Variants in CTNNA2 observed in about 807,000 individuals in gnomAD.
CTNNA2 encodes catenin alpha-2.
In CTNNA2, 42 loss-of-function variants were observed where a neutral mutation model predicts 101.0. The observed-to-expected ratio is 0.42, with a 90% confidence interval of 0.32 to 0.54. The LOEUF (loss-of-function observed/expected upper bound fraction) is 0.54, where lower values mean the gene tolerates loss of function less well. Among genes scored for constraint, CTNNA2 ranks in the 20% least tolerant of loss-of-function variants. The pLI is 0.14. For synonymous variants in CTNNA2, 450 were observed against 456.4 expected (o/e 0.99, Z 0.18); for missense variants, 871 against 1,223.1 (o/e 0.71, Z 4.29).
intron 7 of CTNNA2, among the ~76,000 whole-genome samples, chr2:80,029,732 G>A (rs1442603351): frequency 6.6e-6 from 1 of 150,964 alleles, no homozygotes; most frequent in Non-Finnish European, 1.5e-5. Flanking sequence ...GCATTATGTG[G>A]TAGAGGAGGT....
At chr2:79,883,679 A>C (rs1683619671) in intron 6 of CTNNA2, among the ~76,000 whole-genome samples, 1 of 152,198 alleles carries the variant, frequency 6.6e-6, no homozygotes, top group African/African-American at 2.4e-5. Context: ...GAATGTTAAA[A>C]GCAATTCCTA....
intron 7 of CTNNA2, among the ~76,000 whole-genome samples, chr2:79,969,197 A>G (rs957401922): frequency 6.6e-6 from 1 of 152,242 alleles, no homozygotes; most frequent in African/African-American, 2.4e-5. Flanking sequence ...AACAAGAACA[A>G]CAACAACAAA....
intron 7 of CTNNA2, among the ~76,000 whole-genome samples, chr2:79,977,254 A>ACACACG (rs1282540372): frequency 6.6e-6 from 1 of 151,732 alleles, no homozygotes; most frequent in Non-Finnish European, 1.5e-5. Flanking sequence ...ACACACACAC[A>ACACACG]CACTGGTTCT....
chr2:80,256,071 A>G (rs1672114671), intron 7 of CTNNA2, among the ~76,000 whole-genome samples: 4 of 152,140 alleles, frequency 2.6e-5, no homozygotes, highest in Admixed American at 2.0e-4. Flanking sequence ...TTCTAATCAC[A>G]GACAGCCAGC....
intron 2 of CTNNA2, among the ~76,000 whole-genome samples, chr2:79,281,995 G>A (rs901095012): frequency 6.6e-6 from 1 of 152,028 alleles, no homozygotes; most frequent in Admixed American, 6.6e-5. Flanking sequence ...ATAGTCCCCT[G>A]TCAATAAAAG....
At chr2:79,577,644 T>G (rs1480765991) in intron 1 of CTNNA2, among the ~76,000 whole-genome samples, 1 of 152,146 alleles carries the variant, frequency 6.6e-6, no homozygotes. Context: ...TGTTAATTAC[T>G]TTGGTGCTTT....
chr2:79,399,965 T>C (rs750712568), intron 4 of CTNNA2, among the ~76,000 whole-genome samples: 2 of 152,056 alleles, frequency 1.3e-5, no homozygotes, highest in African/African-American at 2.4e-5. Context: ...CCCCATGACA[T>C]AGCCTCAGGA....
chr2:79,558,553 A>G (rs1674582230), intron 1 of CTNNA2, among the ~76,000 whole-genome samples: 1 of 151,914 alleles, frequency 6.6e-6, no homozygotes, highest in South Asian at 2.1e-4. Flanking sequence ...TATTTATTGT[A>G]TGTGGTAGAA....
intron 7 of CTNNA2, among the ~76,000 whole-genome samples, chr2:80,172,882 A>G (rs1241733162): frequency 6.6e-6 from 1 of 152,164 alleles, no homozygotes; most frequent in African/African-American, 2.4e-5. Context: ...AACACTGGCC[A>G]TATTGGATTA....
chr2:80,015,037 A>G (rs1694047173), intron 7 of CTNNA2, among the ~76,000 whole-genome samples: 2 of 152,196 alleles, frequency 1.3e-5, no homozygotes, highest in South Asian at 2.1e-4. Context: ...AGTTATTTCA[A>G]TCAGTGATTC....
intron 4 of CTNNA2, among the ~76,000 whole-genome samples, chr2:79,455,467 C>A (rs1670810294): frequency 6.6e-6 from 1 of 152,102 alleles, no homozygotes; most frequent in Non-Finnish European, 1.5e-5. Flanking sequence ...ACCCTCTCTC[C>A]ACAGACTTCA....
At chr2:79,962,799 C>T (rs894864626) in intron 7 of CTNNA2, among the ~76,000 whole-genome samples, 21 of 152,196 alleles carry the variant, frequency 1.4e-4, no homozygotes, top group Middle Eastern at 6.8e-3. Context: ...TGGCCGGGCG[C>T]GGTGGCTCAC....
At chr2:79,677,772 TTAAAGAA>T (rs1683283277) in intron 2 of CTNNA2, among the ~76,000 whole-genome samples, 1 of 152,166 alleles carries the variant, frequency 6.6e-6, no homozygotes, top group East Asian at 1.9e-4. Context: ...AAAGGAAATG[TTAAAGAA>T]TAAAGTAAGA....
chr2:80,303,591 G>A lies in CTNNA2; in HGVS notation c.1057-89620G>A, dbSNP rs755635665. On this transcript the variant is annotated intron_variant, in intron 7 of 18. Transcript: ENST00000402739. The surrounding 1 kb of genome is among the most constrained non-coding windows in gnomAD (Gnocchi z 7.7). The stretch of plus-strand genomic sequence containing the variant: ...AACTGGCCGGCGCGCAGCTCCGAGA[G>A]GCTGTTGTAGCGCAGGGACAAGCCC... 1 of 1,614,200 alleles carries A rather than the reference G, an allele frequency of 6.2e-7. No homozygotes were observed. Among genetic ancestry groups the A allele is most frequent in the South Asian group, 1.1e-5 (1 of 91,090 alleles).
At chr2:80,551,425 C>T (rs1051168101) in intron 11 of CTNNA2, among the ~76,000 whole-genome samples, 6 of 152,160 alleles carry the variant, frequency 3.9e-5, no homozygotes, top group Admixed American at 3.3e-4. Flanking sequence ...TAAATGGCAC[C>T]GTCTTCCAGT....
At chr2:79,958,566 G>T (rs1689404147) in intron 7 of CTNNA2, among the ~76,000 whole-genome samples, 1 of 152,076 alleles carries the variant, frequency 6.6e-6, no homozygotes, top group Non-Finnish European at 1.5e-5. Context: ...ACCTGGAAAA[G>T]GCAAGGAATT....
chr2:79,604,274 G>A (rs1677739376), intron 1 of CTNNA2, among the ~76,000 whole-genome samples: 1 of 152,212 alleles, frequency 6.6e-6, no homozygotes, highest in Non-Finnish European at 1.5e-5. Flanking sequence ...AGGGAGGTGG[G>A]AAGATGGCAT....
chr2:80,545,837 G>C, intron 10 of CTNNA2, 70 bp from the exon 11 acceptor site: 1 of 1,536,394 alleles, frequency 6.5e-7, no homozygotes, highest in Non-Finnish European at 8.9e-7. Context: ...TTTTAACATG[G>C]TCTTTGACCG....
chr2:80,140,108 A>T (rs1170986095), intron 7 of CTNNA2, among the ~76,000 whole-genome samples: 3 of 152,198 alleles, frequency 2.0e-5, no homozygotes, highest in Admixed American at 6.6e-5. Flanking sequence ...GTAACCTGGG[A>T]ACAAGGAGTT....
Sources: gnomAD v4.1 joint callset for allele counts (sites outside exome capture counted in the v4.1 genomes callset) on GRCh38, gnomAD v4.1.1 for gene constraint, Gnocchi (gnomAD v3.1) non-coding constraint, MANE v1.5 for transcripts, NCBI Gene and HGNC (gene_info 2026-07-23, HGNC 2026-07-21) for gene names.